VPS13C: variants seen among roughly 807,000 people sequenced by gnomAD.
The protein encoded by VPS13C is intermembrane lipid transfer protein VPS13C.
In VPS13C, 358 loss-of-function variants were observed where a neutral mutation model predicts 456.8. The observed-to-expected ratio is 0.78, with a 90% CI of 0.72 to 0.86. VPS13C has a LOEUF of 0.86. VPS13C is among the 40% of genes least tolerant of loss of function. The probability of loss-of-function intolerance (pLI) is 0.00; values close to 1 mark genes in which losing one functional copy is unlikely to be tolerated. For synonymous variants in VPS13C, 1,578 were observed against 1,486.7 expected (o/e 1.06, Z -1.41); for missense variants, 4,818 against 4,385.4 (o/e 1.10, Z -2.79).
In VPS13C at chr15:62,013,110, G is replaced by C; in HGVS notation, c.754C>G (p.Leu252Val). Residue 252 changes from leucine (L) to valine (V), a missense_variant, in exon 11 of 85, where the codon CTT becomes GTT. By Grantham distance (32) the Leu-to-Val change is conservative. Transcript: ENST00000644861. The part of the protein sequence containing the change: ...ADKIIYKLIR[L>V]DSLSAYWNVN... ...TTCCAGTAGGCGCTAAGACTATCAAGTCGTATAAGCTATAAGAGAAAAATG... is the reference window on the plus strand; with the variant it reads ...TTCCAGTAGGCGCTAAGACTATCAACTCGTATAAGCTATAAGAGAAAAATG... 2.5e-6 allele frequency: 4 copies of C among 1,607,354 alleles called. No individual in the cohort carries two copies. Among genetic ancestry groups the C allele is most frequent in the Non-Finnish European group, 3.4e-6 (4 of 1,176,630 alleles).
Position 62,007,346 on chromosome 15 carries a change from G to T in VPS13C, c.1252C>A (p.Gln418Lys), listed in dbSNP as rs981740555. ...YKIAYKNKLT[Q>K]SKVSEEIQKE... ...TGTATTTCTTCTGAGACTTTAGACT[G>T]TGTTAACTTGTTTTTGTAGGCAATT... Residue 418 changes from glutamine to lysine, a missense_variant, in exon 15 of 85, where the codon CAG becomes AAG. By Grantham distance (53) the Gln-to-Lys change is moderately conservative (BLOSUM62 1). Transcript: ENST00000644861. 6.2e-7 allele frequency: 1 copy of T among 1,612,164 alleles called. No individual in the cohort carries two copies. Among genetic ancestry groups the T allele is most frequent in the African/African-American group, 1.3e-5 (1 of 74,868 alleles).
chr15:62,051,352 A>G (rs2048611985), intron 1 of VPS13C, among the ~76,000 whole-genome samples: 1 of 152,210 alleles, frequency 6.6e-6, no homozygotes, highest in Non-Finnish European at 1.5e-5. Context: ...GATGTATAAC[A>G]TTACTCAATC....
chr15:61,865,958 T>C (rs1894557683), intron 81 of VPS13C: 1 of 983,554 alleles, frequency 1.0e-6, no homozygotes, highest in Non-Finnish European at 1.2e-6. Context: ...AAATAAATTA[T>C]TTAGAATTTG....
chr15:62,027,586 C>T (rs1270882791), intron 6 of VPS13C, among the ~76,000 whole-genome samples: 1 of 152,056 alleles, frequency 6.6e-6, no homozygotes, highest in Non-Finnish European at 1.5e-5. Flanking sequence ...TAACATGATG[C>T]TTATTGTTTA....
At chr15:61,960,220 C>G (rs989049886) in intron 35 of VPS13C, among the ~76,000 whole-genome samples, 1 of 152,192 alleles carries the variant, frequency 6.6e-6, no homozygotes, top group East Asian at 1.9e-4. Context: ...CAGACACAAC[C>G]AAATTGAGAG....
In VPS13C at chr15:61,856,291, C is replaced by A. The variant is rs747914666; in HGVS notation, c.11071G>T (p.Val3691Phe). 2.5e-6 allele frequency: 4 copies of A among 1,612,942 alleles called. No homozygotes were observed. Among genetic ancestry groups the A allele is most frequent in the Non-Finnish European group, 3.4e-6 (4 of 1,179,332 alleles). Residue 3691 changes from valine (V) to phenylalanine (F), a missense_variant, in exon 83 of 85, where the codon GTT (valine) becomes TTT (phenylalanine). By Grantham distance (50) the Val-to-Phe change is conservative. Transcript: ENST00000644861. Reference protein sequence around the residue: ...SVSENVLKISVKEQGLFHKKD... With the variant: ...SVSENVLKISFKEQGLFHKKD... ...GGTGTGACATGTTTTCTTACCTTAA[C>A]TGAAATTTTTAGCACATTTTCACTG...
chr15:61,941,651 G>C, intron 46 of VPS13C, 112 bp downstream of exon 46: 2 of 1,163,468 alleles, frequency 1.7e-6, no homozygotes, highest in Admixed American at 2.8e-5. Context: ...TTCATAATTA[G>C]AAGAAATAAG....
chr15:61,996,551 T>C (rs1299509409), intron 16 of VPS13C, among the ~76,000 whole-genome samples: 1 of 152,108 alleles, frequency 6.6e-6, no homozygotes, highest in Non-Finnish European at 1.5e-5. Flanking sequence ...ATAACTTCGA[T>C]GTCTGATAGC....
intron 47 of VPS13C, 104 bp from the exon 48 acceptor site, chr15:61,936,854 TAAAAA>T: frequency 8.4e-7 from 1 of 1,196,180 alleles, no homozygotes; most frequent in Non-Finnish European, 1.2e-6. Context: ...TTCACCTACT[TAAAAA>T]GAAGAGAGTT....
rs777163571 is a variant in VPS13C, at chr15:61,951,996, A to C, written c.4300-16T>G. 6.2e-7 allele frequency: 1 copy of C among 1,610,758 alleles called. No homozygotes were observed. The highest frequency in any genetic ancestry group is 2.2e-5 in the East Asian group (1 of 44,808). ...TAACCACAACCTAAAAAACGGTACC[A>C]GTATTACCACCAACTATTTCACCAA... On this transcript the variant is annotated splice_polypyrimidine_tract_variant and intron_variant, in intron 38 of 84. Coordinates refer to ENST00000644861, the MANE Select transcript of VPS13C (RefSeq NM_020821.3).
chr15:61,907,969 C>CA (rs1466030457), intron 65 of VPS13C, among the ~76,000 whole-genome samples: 5 of 151,950 alleles, frequency 3.3e-5, no homozygotes, highest in Non-Finnish European at 7.4e-5. Flanking sequence ...GTCACAGCAA[C>CA]AAAAAAATTA....
intron 28 of VPS13C, among the ~76,000 whole-genome samples, chr15:61,968,863 C>T (rs966188406): frequency 6.6e-6 from 1 of 152,074 alleles, no homozygotes; most frequent in Admixed American, 6.6e-5. Context: ...TTTTGTCATT[C>T]ATTAAATACA....
At chr15:61,865,248 G>C in intron 81 of VPS13C, 1 of 983,774 alleles carries the variant, frequency 1.0e-6, no homozygotes, top group Non-Finnish European at 1.2e-6. Context: ...ATATGAAAAA[G>C]CAAACAAGAT....
chr15:61,929,163 G>A (rs761851121), intron 51 of VPS13C, among the ~76,000 whole-genome samples: 2 of 152,078 alleles, frequency 1.3e-5, no homozygotes, highest in African/African-American at 4.8e-5. Flanking sequence ...GTTCTTCAAT[G>A]TGCTAGAATT....
chr15:62,005,408 T>A, intron 15 of VPS13C, among the ~76,000 whole-genome samples: 1 of 152,230 alleles, frequency 6.6e-6, no homozygotes, highest in Admixed American at 6.5e-5. Context: ...AGCCTATTTT[T>A]GTCTCTGCAC....
At chr15:61,870,844 G>A (rs775956431) in intron 79 of VPS13C, among the ~76,000 whole-genome samples, 6 of 152,062 alleles carry the variant, frequency 3.9e-5, no homozygotes, top group Non-Finnish European at 7.4e-5. Flanking sequence ...GTTTTGACTC[G>A]CATTTCCCTG....
chr15:62,028,807 C>T (rs558184649), intron 5 of VPS13C, among the ~76,000 whole-genome samples: 11 of 152,026 alleles, frequency 7.2e-5, no homozygotes, highest in African/African-American at 1.7e-4. Context: ...TGATATTTGA[C>T]GCTAATTTTA....
At chr15:61,954,906 G>A (rs780356651) in intron 37 of VPS13C, among the ~76,000 whole-genome samples, 2 of 152,100 alleles carry the variant, frequency 1.3e-5, no homozygotes, top group Non-Finnish European at 2.9e-5. Flanking sequence ...TCACACGGTG[G>A]AGACATTACT....
Position 62,033,681 on chromosome 15 carries a change from G to C in VPS13C, c.284-139C>G, listed in dbSNP as rs961717417. 2.3e-5 allele frequency: 11 copies of C among 477,204 alleles called. No homozygotes were observed. The South Asian group carries it at 7.8e-4, about 34-fold the overall frequency. The allele number at this position is 477,204 out of a possible 1,614,324, so 29.6% of individuals were successfully genotyped here. Reference sequence around the variant, plus strand: ...AATACTTTCACATTTTTAGTTTTACGAAACATTTAAACATAAATTATTCCT... The same window carrying C: ...AATACTTTCACATTTTTAGTTTTACCAAACATTTAAACATAAATTATTCCT... On this transcript the variant is annotated intron_variant, in intron 4 of 84. Transcript: ENST00000644861.
Sources: gnomAD v4.1 joint callset for allele counts (sites outside exome capture counted in the v4.1 genomes callset) on GRCh38, gnomAD v4.1.1 for gene constraint, MANE v1.5 for transcripts, NCBI Gene and HGNC (gene_info 2026-07-23, HGNC 2026-07-21) for gene names.